Variants in ZMAT4 observed in about 807,000 individuals in gnomAD.
ZMAT4 encodes the protein zinc finger matrin-type protein 4.
A neutral mutation model predicts 28.7 loss-of-function variants in ZMAT4; 17 were observed. The observed-to-expected ratio is 0.59, with a 90% CI of 0.41 to 0.89. The LOEUF is 0.89. Ranked by LOEUF, ZMAT4 falls within the 40% of genes least tolerant of loss-of-function variation. The probability of loss-of-function intolerance (pLI) is 0.00; values close to 1 mark genes in which losing one functional copy is unlikely to be tolerated. For missense variants in ZMAT4, 240 were observed against 283.8 expected (o/e 0.85, Z 1.11); for synonymous variants, 117 against 109.2 (o/e 1.07, Z -0.44).
intron 4 of ZMAT4, among the ~76,000 whole-genome samples, chr8:40,678,489 C>T (rs1809003581): frequency 6.6e-6 from 1 of 152,320 alleles, no homozygotes; most frequent in Non-Finnish European, 1.5e-5. Flanking sequence ...CTCCACATAG[C>T]CGTGCACCTG....
At chr8:40,700,242 A>C (rs1046366740) in intron 3 of ZMAT4, among the ~76,000 whole-genome samples, 1 of 144,510 alleles carries the variant, frequency 6.9e-6, no homozygotes, top group Admixed American at 7.1e-5. Flanking sequence ...CCTAATTGTA[A>C]GATTAAAAAA....
chr8:40,609,789 T>C (rs775694558), intron 5 of ZMAT4, among the ~76,000 whole-genome samples: 25 of 152,306 alleles, frequency 1.6e-4, no homozygotes, highest in Non-Finnish European at 1.9e-4. Context: ...CTTTGAACCT[T>C]GGCTTTCCCC....
At chr8:40,738,207 G>T (rs780470831) in intron 3 of ZMAT4, among the ~76,000 whole-genome samples, 3 of 152,102 alleles carry the variant, frequency 2.0e-5, no homozygotes, top group African/African-American at 7.2e-5. Context: ...AATAAGAGTC[G>T]AACTGGGGAG....
intron 5 of ZMAT4, among the ~76,000 whole-genome samples, chr8:40,642,702 C>G (rs1172725956): frequency 6.6e-6 from 1 of 152,192 alleles, no homozygotes; most frequent in South Asian, 2.1e-4. Flanking sequence ...TTCTCCATCC[C>G]CAGGATATGT....
intron 2 of ZMAT4, among the ~76,000 whole-genome samples, chr8:40,780,759 G>GGGAAGGAAT (rs1813793593): frequency 1.3e-5 from 2 of 152,130 alleles, no homozygotes; most frequent in Non-Finnish European, 2.9e-5. Flanking sequence ...TTAATGTAAT[G>GGGAAGGAAT]TACCACATTT....
chr8:40,624,510 CCTT>C (rs1264814657), intron 5 of ZMAT4, among the ~76,000 whole-genome samples: 1 of 152,216 alleles, frequency 6.6e-6, no homozygotes, highest in Non-Finnish European at 1.5e-5. Flanking sequence ...ATTATTAGCT[CCTT>C]AAGGATGGAA....
intron 6 of ZMAT4, among the ~76,000 whole-genome samples, chr8:40,543,531 T>A (rs764996380): frequency 3.3e-5 from 5 of 152,172 alleles, no homozygotes; most frequent in Non-Finnish European, 7.4e-5. Flanking sequence ...GGATATGGAA[T>A]GGGACACAGT....
chr8:40,698,703 A>T (rs183937732), intron 3 of ZMAT4, among the ~76,000 whole-genome samples: 1 of 152,230 alleles, frequency 6.6e-6, no homozygotes, highest in African/African-American at 2.4e-5. Context: ...TAGTTAGGAA[A>T]TGAATTCCTT....
At chr8:40,723,565 A>G (rs1811196292) in intron 3 of ZMAT4, among the ~76,000 whole-genome samples, 1 of 149,214 alleles carries the variant, frequency 6.7e-6, no homozygotes, top group Non-Finnish European at 1.5e-5. Flanking sequence ...AAAAAAAAAA[A>G]GATTGGGTAT....
intron 5 of ZMAT4, among the ~76,000 whole-genome samples, chr8:40,651,431 T>G (rs1045503155): frequency 9.3e-5 from 14 of 151,214 alleles, no homozygotes; most frequent in African/African-American, 1.5e-4. Context: ...TAAAAGAGGA[T>G]ACAAACAAAT....
At chr8:40,577,061 G>A (rs535010980) in intron 6 of ZMAT4, among the ~76,000 whole-genome samples, 3 of 152,248 alleles carry the variant, frequency 2.0e-5, no homozygotes, top group South Asian at 4.2e-4. Flanking sequence ...AGGCATTATG[G>A]TGGATGCCTG....
chr8:40,746,230 TCCC>T (rs1812210327), intron 3 of ZMAT4, among the ~76,000 whole-genome samples: 2 of 10,008 alleles, frequency 2.0e-4, no homozygotes, highest in African/African-American at 5.8e-4. Context: ...CTTCCCTCCC[TCCC>T]TCCCTCCCTC....
chr8:40,675,888 A>G (rs1208752716), intron 4 of ZMAT4, among the ~76,000 whole-genome samples: 3 of 152,222 alleles, frequency 2.0e-5, no homozygotes, highest in African/African-American at 7.2e-5. Flanking sequence ...TTATCTAAAC[A>G]GAATAGACAT....
intron 2 of ZMAT4, among the ~76,000 whole-genome samples, chr8:40,824,671 A>G (rs111949282): frequency 2.7e-5 from 3 of 109,466 alleles, no homozygotes; most frequent in Non-Finnish European, 6.3e-5. Context: ...AGGAAAGGAA[A>G]GAAAGAAAGC....
intron 1 of ZMAT4, among the ~76,000 whole-genome samples, chr8:40,843,487 C>T (rs2150628581): frequency 6.6e-6 from 1 of 152,332 alleles, no homozygotes; most frequent in African/African-American, 2.4e-5. Context: ...CCTGCTTTTA[C>T]AGGGGACAGA....
chr8:40,874,270 C>T (rs533175284), intron 1 of ZMAT4, among the ~76,000 whole-genome samples: 2 of 152,324 alleles, frequency 1.3e-5, no homozygotes, highest in East Asian at 1.9e-4. Context: ...ACTGGCCACA[C>T]CCGTCACGTC....
chr8:40,648,030 A>G (rs1807426199), intron 5 of ZMAT4, among the ~76,000 whole-genome samples: 1 of 152,256 alleles, frequency 6.6e-6, no homozygotes, highest in Non-Finnish European at 1.5e-5. Flanking sequence ...TCCTCCGCCA[A>G]AGGAACGCAG....
intron 1 of ZMAT4, among the ~76,000 whole-genome samples, chr8:40,888,162 G>T (rs1027698802): frequency 1.3e-5 from 2 of 152,114 alleles, no homozygotes; most frequent in African/African-American, 4.8e-5. Flanking sequence ...GGCCAGGGCC[G>T]AACAGAGTGC....
At chr8:40,772,845 TC>T (rs1217660377) in intron 2 of ZMAT4, among the ~76,000 whole-genome samples, 3 of 152,134 alleles carry the variant, frequency 2.0e-5, no homozygotes, top group African/African-American at 7.2e-5. Flanking sequence ...TTGAGGTCAT[TC>T]CGGGGAGAAG....
Sources: gnomAD v4.1 joint callset for allele counts (sites outside exome capture counted in the v4.1 genomes callset) on GRCh38, gnomAD v4.1.1 for gene constraint, MANE v1.5 for transcripts, NCBI Gene and HGNC (gene_info 2026-07-23, HGNC 2026-07-21) for gene names.